GRM4: variants seen among roughly 807,000 people sequenced by gnomAD.
The protein encoded by GRM4 is metabotropic glutamate receptor 4.
Under a neutral mutation model 81.7 loss-of-function variants are expected in GRM4, and 28 were observed. The observed-to-expected ratio is 0.34, with a 90% CI of 0.25 to 0.47. The LOEUF is 0.47. Among genes scored for constraint, GRM4 ranks in the 20% least tolerant of loss-of-function variants. The probability of loss-of-function intolerance (pLI) is 1.00; values close to 1 mark genes in which losing one functional copy is unlikely to be tolerated. For synonymous variants in GRM4, 488 were observed against 528.8 expected, an observed-to-expected ratio of 0.92 and a Z score of 1.06; for missense variants, 948 against 1,290.0, an observed-to-expected ratio of 0.73 and a Z score of 4.06.
At chr6:34,072,161 CCCAT>C (rs1766935350) in intron 3 of GRM4, among the ~76,000 whole-genome samples, 1 of 84,076 alleles carries the variant, frequency 1.2e-5, no homozygotes, top group African/African-American at 4.3e-5. Flanking sequence ...ACCACACACA[CCCAT>C]ACATCACCAC....
At chr6:34,109,318 G>A (rs1384991981) in intron 2 of GRM4, among the ~76,000 whole-genome samples, 1 of 152,036 alleles carries the variant, frequency 6.6e-6, no homozygotes, top group Non-Finnish European at 1.5e-5. Flanking sequence ...GTTGATCTTA[G>A]CCCCTCCCAC....
At chr6:34,056,852 CA>C (rs113134578) in intron 5 of GRM4, among the ~76,000 whole-genome samples, 168 bp from the exon 6 acceptor site, 116 of 152,308 alleles carry the variant, frequency 7.6e-4, no homozygotes, top group African/African-American at 2.6e-3. Flanking sequence ...TCGTTTCTTT[CA>C]AAATGAAAAG....
intron 2 of GRM4, chr6:34,103,683 C>A (rs1768967243): frequency 1.3e-6 from 2 of 1,534,714 alleles, no homozygotes; most frequent in South Asian, 2.4e-5. Flanking sequence ...AGCAAGGAGC[C>A]CCAAGGGGCA....
upstream of GRM4, among the ~76,000 whole-genome samples, chr6:34,147,627 T>C (rs139882226): frequency 1.3e-5 from 2 of 152,320 alleles, no homozygotes; most frequent in African/African-American, 4.8e-5. Flanking sequence ...GGCCACCCAG[T>C]TGAGGGGGCT....
intron 9 of GRM4, among the ~76,000 whole-genome samples, chr6:34,032,379 CACTT>C (rs1491003308): frequency 6.6e-6 from 1 of 152,236 alleles, no homozygotes; most frequent in Non-Finnish European, 1.5e-5. Flanking sequence ...CAAACACACA[CACTT>C]AGCAGCCAGA....
chr6:34,116,995 G>A (rs1769626785), intron 2 of GRM4, among the ~76,000 whole-genome samples: 1 of 152,192 alleles, frequency 6.6e-6, no homozygotes, highest in Non-Finnish European at 1.5e-5. Context: ...TCAGGCTATT[G>A]ATTATCCTTG....
chr6:34,144,079 G>A (rs974471026), intron 1 of GRM4, among the ~76,000 whole-genome samples: 3 of 152,218 alleles, frequency 2.0e-5, no homozygotes, highest in African/African-American at 7.2e-5. Flanking sequence ...GGAGAAAGAA[G>A]CAAGGCGCCT....
rs528539752 is a variant in GRM4, at chr6:34,133,750, G to A, written c.-254C>T. 8.0e-6 allele frequency: 10 copies of A among 1,254,950 alleles called. No individual in the cohort carries two copies. Among genetic ancestry groups the A allele is most frequent in the Non-Finnish European group, 1.0e-5 (10 of 1,002,042 alleles). The allele number at this position is 1,254,950 out of a possible 1,614,324, so 77.7% of individuals were successfully genotyped here. On this transcript the variant is annotated 5_prime_UTR_variant, in exon 2 of 11. The change creates a new upstream start codon in the 5' untranslated region. Coordinates refer to ENST00000538487, the MANE Select transcript of GRM4 (RefSeq NM_000841.4). This position sits in a 1 kb window ranked among gnomAD's most constrained non-coding sequence, Gnocchi z 6.5. ...GCAGGAAGGCTCTGATCCTTGTCCC[G>A]TCCTGCAGGCCTGTTCTCGGTGGAT...
chr6:34,053,909 C>G (rs562117438), intron 6 of GRM4, among the ~76,000 whole-genome samples: 1 of 152,234 alleles, frequency 6.6e-6, no homozygotes, highest in Non-Finnish European at 1.5e-5. Flanking sequence ...CTAGGCCCCA[C>G]CCCTAAGGTT....
intron 2 of GRM4, among the ~76,000 whole-genome samples, chr6:34,116,984 A>G (rs1363718625): frequency 1.3e-5 from 2 of 152,224 alleles, no homozygotes; most frequent in Non-Finnish European, 2.9e-5. Flanking sequence ...ACAGTTAGAA[A>G]TCAGGCTATT....
chr6:34,116,470 C>T (rs1016757072), intron 2 of GRM4, among the ~76,000 whole-genome samples: 1 of 152,190 alleles, frequency 6.6e-6, no homozygotes, highest in Non-Finnish European at 1.5e-5. Flanking sequence ...GTAGAGCTGA[C>T]ACCCCAGTGA....
chr6:34,090,738 C>T lies in GRM4; in HGVS notation c.736+1145G>A, dbSNP rs1472221917. 2.0e-5 allele frequency among the ~76,000 whole-genome samples: 3 copies of T among 152,032 alleles called. No homozygotes were observed. Among genetic ancestry groups the T allele is most frequent in the South Asian group, 2.1e-4 (1 of 4,812 alleles). ...GAGATTTATAGCAGGATTATGCCCA[C>T]GGGGTGTTACCAACGGCAGCCTCTG... On this transcript the variant is annotated intron_variant, in intron 3 of 10. Coordinates refer to ENST00000538487, the MANE Select transcript of GRM4 (RefSeq NM_000841.4). This position sits in a 1 kb window ranked among gnomAD's most constrained non-coding sequence, Gnocchi z 5.2.
chr6:34,081,096 T>C (rs1052552082), intron 3 of GRM4, among the ~76,000 whole-genome samples: 1 of 152,002 alleles, frequency 6.6e-6, no homozygotes, highest in Non-Finnish European at 1.5e-5. Flanking sequence ...AACCAAATTC[T>C]CCACTTAAAA....
intron 5 of GRM4, among the ~76,000 whole-genome samples, chr6:34,056,973 A>C (rs1300724690): frequency 6.6e-6 from 1 of 152,210 alleles, no homozygotes; most frequent in African/African-American, 2.4e-5. Flanking sequence ...TGCAATGCTA[A>C]CAGCGGGCTT....
At chr6:34,060,795 TG>T (rs1264445867) in intron 4 of GRM4, 1 of 152,214 alleles carries the variant, frequency 6.6e-6, no homozygotes, top group African/African-American at 2.4e-5. Context: ...AGGGACTGGG[TG>T]CCGCCTCTGT....
At chr6:34,057,058 G>A (rs547766672) in intron 5 of GRM4, among the ~76,000 whole-genome samples, 78 of 152,282 alleles carry the variant, frequency 5.1e-4, no homozygotes, top group African/African-American at 1.8e-3. Context: ...GGGAGCACCT[G>A]AAGAGGAGAC....
At chr6:34,096,804 C>T (rs75983400) in intron 2 of GRM4, among the ~76,000 whole-genome samples, 2,257 of 152,366 alleles carry the variant, frequency 0.015, 37 homozygotes, top group African/African-American at 0.042. Context: ...CTCTCTCCCT[C>T]TCCCTCTGTC....
In GRM4 at chr6:34,061,991, C is replaced by T. The variant is rs1345574392; in HGVS notation, c.774G>A (p.Arg258=). 1 of 1,613,854 alleles carries T rather than the reference C, an allele frequency of 6.2e-7. No individual in the cohort carries two copies. ...VCIAQSVKIP[R]EPKAGEFDKI... is the part of the protein sequence containing the mutation. ...TGTCGAACTCGCCTGCCTTGGGCTC[C>T]CGTGGTATCTTCACCGACTGGGCGA... is the stretch of plus-strand genomic sequence containing the variant. The change falls in exon 4 of 11, where the codon CGG becomes CGA. Residue 258 remains arginine (R), a synonymous_variant. Transcript: ENST00000538487.
At chr6:34,138,477 C>T (rs1045004961) in intron 1 of GRM4, among the ~76,000 whole-genome samples, 1 of 152,216 alleles carries the variant, frequency 6.6e-6, no homozygotes, top group Non-Finnish European at 1.5e-5. Context: ...CACCCACATC[C>T]CACATCTCCC....
Sources: allele counts gnomAD v4.1 joint callset (sites outside exome capture counted in the v4.1 genomes callset), GRCh38; gene constraint gnomAD v4.1.1; non-coding constraint Gnocchi (gnomAD v3.1); transcripts MANE v1.5; gene names NCBI Gene and HGNC (gene_info 2026-07-23, HGNC 2026-07-21).